The following GYPB variants were observed in gnomAD, a reference collection of about 807,000 sequenced individuals.
GYPB encodes the protein glycophorin-B.
A neutral mutation model predicts 15.3 loss-of-function variants in GYPB; 13 were observed. The observed-to-expected ratio is 0.85, with a 90% CI of 0.55 to 1.35. GYPB has a LOEUF of 1.35. GYPB is among the 40% of genes most tolerant of loss of function. The probability of loss-of-function intolerance (pLI) is 0.00; values close to 1 mark genes in which losing one functional copy is unlikely to be tolerated. For synonymous variants in GYPB, 38 were observed against 36.9 expected (o/e 1.03, Z -0.11); for missense variants, 131 against 108.3 (o/e 1.21, Z -0.93).
intron 1 of GYPB, among the ~76,000 whole-genome samples, chr4:144,015,232 T>A (rs1266532420): frequency 6.6e-6 from 1 of 151,358 alleles, no homozygotes; most frequent in African/African-American, 2.5e-5. Flanking sequence ...TGAGAAAAAA[T>A]AAATAAAACC....
Position 143,999,198 on chromosome 4 carries a change from G to T in GYPB, c.175+213C>A, listed in dbSNP as rs191066117. 643 of 438,310 alleles carry T rather than the reference G, an allele frequency of 1.5e-3. 5 individuals carry two copies. In the East Asian group the frequency reaches 0.02, roughly 14 times the overall value. The allele number at this position is 438,310 out of a possible 1,614,324, so 27.2% of individuals were successfully genotyped here. On this transcript the variant is annotated intron_variant, in intron 3 of 4. Coordinates refer to ENST00000502664, the MANE Select transcript of GYPB (RefSeq NM_002100.6). ...TATAGGGATTATAGGCATGAGCCAC[G>T]GCCCCTGGCCCCCAAAATGTTTTTA...
intron 4 of GYPB, among the ~76,000 whole-genome samples, chr4:143,997,126 C>T (rs1408318995): frequency 6.6e-6 from 1 of 151,036 alleles, no homozygotes; most frequent in Non-Finnish European, 1.5e-5. Flanking sequence ...AGGCTGGTCT[C>T]AAACTGCTGA....
At chr4:143,997,714 A>C (rs1473055) in intron 3 of GYPB, 80 bp from the exon 4 acceptor site, 1 of 767,628 alleles carries the variant, frequency 1.3e-6, no homozygotes, top group Non-Finnish European at 2.4e-6. Context: ...TAACATCAGC[A>C]TAACATCACC....
intron 1 of GYPB, among the ~76,000 whole-genome samples, chr4:144,002,966 T>A (rs1251844708): frequency 6.6e-6 from 1 of 151,300 alleles, no homozygotes; most frequent in Non-Finnish European, 1.5e-5. Flanking sequence ...CCAAATAGCA[T>A]GCAAAACAAT....
At chr4:143,998,455 G>T (rs1366109082) in intron 3 of GYPB, among the ~76,000 whole-genome samples, 2 of 150,656 alleles carry the variant, frequency 1.3e-5, no homozygotes, top group Admixed American at 6.6e-5. Context: ...TGCTGGTGTT[G>T]CCCAGCCTTC....
intron 1 of GYPB, chr4:144,012,359 A>G (rs1319124638): frequency 1.3e-5 from 2 of 151,536 alleles, no homozygotes; most frequent in Non-Finnish European, 2.9e-5. Context: ...TGCAAAATTT[A>G]CTTAATCTCT....
rs748662175 is a variant in GYPB, at chr4:143,997,525, A to C, written c.270+15T>G. The C allele has an allele frequency of 6.8e-7, 1 of 1,471,794 alleles. No individual in the cohort carries two copies. Among genetic ancestry groups the C allele is most frequent in the Non-Finnish European group, 9.5e-7 (1 of 1,053,718 alleles). 91.2% of individuals were successfully genotyped at this position (1,471,794 alleles called of 1,614,324 possible). ...ACACTGGTATTTAGAGCAAAATTAA[A>C]AACTGAATTCTCACCTTTATCAGTC... On this transcript the variant is annotated intron_variant, in intron 4 of 4. Transcript: ENST00000502664.
chr4:144,018,260 C>T (rs1010487736), intron 1 of GYPB, among the ~76,000 whole-genome samples: 2 of 151,262 alleles, frequency 1.3e-5, no homozygotes, highest in African/African-American at 4.9e-5. Context: ...TAATGTTCCC[C>T]AGCCTTGAGA....
At chr4:144,013,364 T>G (rs1444721885) in intron 1 of GYPB, among the ~76,000 whole-genome samples, 3 of 151,230 alleles carry the variant, frequency 2.0e-5, no homozygotes, top group Non-Finnish European at 4.4e-5. Context: ...AGTGTGGCGA[T>G]TCCTTAGGGA....
chr4:144,015,182 A>G lies in GYPB; in HGVS notation c.37+4069T>C, dbSNP rs141863403. Among the ~76,000 whole-genome samples the G allele has an allele frequency of 1.0e-3, 155 of 151,598 alleles. 6 individuals carry two copies. Among genetic ancestry groups the G allele is most frequent in the African/African-American group, 3.5e-3 (145 of 40,900 alleles). On this transcript the variant is annotated intron_variant, in intron 1 of 4. Coordinates refer to ENST00000502664, the MANE Select transcript of GYPB (RefSeq NM_002100.6). ...TATTAAAACTTGTCCTGATTATATT[A>G]TATGGTTCTCTTTGCAGAAAATTTA...
At chr4:144,005,510 T>C (rs1727867265) in intron 1 of GYPB, among the ~76,000 whole-genome samples, 1 of 151,860 alleles carries the variant, frequency 6.6e-6, no homozygotes, top group Non-Finnish European at 1.5e-5. Flanking sequence ...ATTGTATTAC[T>C]TAGATTATAT....
intron 1 of GYPB, chr4:144,002,433 C>G (rs1252629532): frequency 8.3e-6 from 3 of 360,972 alleles, no homozygotes; most frequent in African/African-American, 6.5e-5. Flanking sequence ...ATTTTTATGA[C>G]TGCAGAGTAT....
At chr4:143,995,211 T>C (rs7675321), downstream of GYPB, among the ~76,000 whole-genome samples, 104,971 of 150,902 alleles carry the variant, frequency 0.7, 37,323 homozygotes, top group East Asian at 0.95. Context: ...GTGACTGTAA[T>C]GTCTGAGGTT....
chr4:144,007,999 GATA>G lies in GYPB; in HGVS notation c.38-6719_38-6717del, dbSNP rs951790196. Among the ~76,000 whole-genome samples, 40 of 151,492 alleles carry G rather than the reference GATA, an allele frequency of 2.6e-4. 4 individuals are homozygous for G. The highest frequency in any genetic ancestry group is 9.1e-4 in the African/African-American group (37 of 40,806). On this transcript the variant is annotated intron_variant, in intron 1 of 4. Coordinates refer to ENST00000502664, the MANE Select transcript of GYPB (RefSeq NM_002100.6). ...GAATCATGGAAATCTGTATGTCTAA[GATA>G]ATAATATTTGTAGTTAACACTTACT...
At chr4:144,017,912 C>G (rs1197679554) in intron 1 of GYPB, among the ~76,000 whole-genome samples, 1 of 151,262 alleles carries the variant, frequency 6.6e-6, no homozygotes, top group African/African-American at 2.5e-5. Flanking sequence ...ATTAGAGTAG[C>G]TATGTTTGTT....
intron 2 of GYPB, chr4:144,000,182 C>T (rs1560705234): frequency 6.0e-6 from 1 of 165,586 alleles, no homozygotes; most frequent in Non-Finnish European, 1.3e-5. Context: ...ATTCTTTAGG[C>T]TTTACGTACA....
At chr4:144,000,390 C>A in intron 2 of GYPB, 3 of 1,024,328 alleles carry the variant, frequency 2.9e-6, no homozygotes, top group East Asian at 6.8e-5. Flanking sequence ...TAACGTTTTT[C>A]TTTTCTGGAG....
At chr4:144,017,407 G>A (rs1313776693) in intron 1 of GYPB, among the ~76,000 whole-genome samples, 1 of 150,530 alleles carries the variant, frequency 6.6e-6, no homozygotes, top group Non-Finnish European at 1.5e-5. Context: ...TAATCAGTAT[G>A]GGGGAAAAAC....
chr4:143,999,213 A>G, intron 3 of GYPB, 198 bp downstream of exon 3: 1 of 474,578 alleles, frequency 2.1e-6, no homozygotes, highest in Non-Finnish European at 3.8e-6. Flanking sequence ...CTGGCCCCCA[A>G]AATGTTTTTA....
Sources: allele counts gnomAD v4.1 joint callset (sites outside exome capture counted in the v4.1 genomes callset), GRCh38; gene constraint gnomAD v4.1.1; transcripts MANE v1.5; gene names NCBI Gene and HGNC (gene_info 2026-07-23, HGNC 2026-07-21).